The following LTBP1 variants were observed in gnomAD, a reference collection of about 807,000 sequenced individuals.
The protein encoded by LTBP1 is latent transforming growth factor beta binding protein 1, also known as latent-transforming growth factor beta-binding protein 1.
Under a neutral mutation model 207.6 loss-of-function variants are expected in LTBP1, and 129 were observed. The observed-to-expected ratio is 0.62, with a 90% CI of 0.54 to 0.72. The LOEUF (loss-of-function observed/expected upper bound fraction) is 0.72, where lower values mean the gene tolerates loss of function less well. Among genes scored for constraint, LTBP1 ranks in the 30% least tolerant of loss-of-function variants. LTBP1 has a pLI of 0.00. For missense variants in LTBP1, 2,281 were observed against 2,217.2 expected (o/e 1.03, Z -0.58); for synonymous variants, 963 against 833.7 (o/e 1.16, Z -2.67).
intron 5 of LTBP1, among the ~76,000 whole-genome samples, chr2:33,157,000 A>G (rs2084029422): frequency 6.6e-6 from 1 of 152,204 alleles, no homozygotes; most frequent in Non-Finnish European, 1.5e-5. Flanking sequence ...AGGTCTGCAA[A>G]TGACAGATTT....
intron 3 of LTBP1, among the ~76,000 whole-genome samples, chr2:33,071,949 A>G (rs970678797): frequency 1.3e-5 from 2 of 152,132 alleles, no homozygotes; most frequent in Admixed American, 1.3e-4. Context: ...GTGCACACCA[A>G]CTGAATGTCC....
At chr2:33,148,397 T>C (rs1279703370) in intron 5 of LTBP1, among the ~76,000 whole-genome samples, 4 of 152,228 alleles carry the variant, frequency 2.6e-5, no homozygotes, top group African/African-American at 9.6e-5. Flanking sequence ...TGAACTTGCC[T>C]ACCTGAATTG....
At chr2:33,082,260 G>T (rs1464203593) in intron 3 of LTBP1, among the ~76,000 whole-genome samples, 1 of 151,976 alleles carries the variant, frequency 6.6e-6, no homozygotes, top group Non-Finnish European at 1.5e-5. Flanking sequence ...CCACATGTCA[G>T]CCCCTTGATC....
At chr2:33,065,209 T>C (rs2077448393) in intron 3 of LTBP1, among the ~76,000 whole-genome samples, 1 of 152,142 alleles carries the variant, frequency 6.6e-6, no homozygotes, top group Non-Finnish European at 1.5e-5. Context: ...GTCAGTATGG[T>C]TAGTTAAATC....
intron 2 of LTBP1, among the ~76,000 whole-genome samples, chr2:32,983,654 C>T (rs1023679215): frequency 1.3e-5 from 2 of 152,286 alleles, no homozygotes; most frequent in East Asian, 1.9e-4. Flanking sequence ...GTGCTGTTCT[C>T]GTGATAGTGA....
intron 3 of LTBP1, among the ~76,000 whole-genome samples, chr2:33,050,418 A>G (rs545857450): frequency 6.6e-6 from 1 of 152,198 alleles, no homozygotes; most frequent in Non-Finnish European, 1.5e-5. Flanking sequence ...GTAGGATCGG[A>G]ATCTTTCTCC....
At chr2:33,288,484 A>G (rs1371761047) in intron 19 of LTBP1, among the ~76,000 whole-genome samples, 1 of 152,222 alleles carries the variant, frequency 6.6e-6, no homozygotes, top group Non-Finnish European at 1.5e-5. Context: ...GCTGGGAGTC[A>G]TCTCTGTGAA....
chr2:33,257,546 C>G (rs753920319), intron 12 of LTBP1, 35 bp downstream of exon 12: 2 of 1,532,768 alleles, frequency 1.3e-6, no homozygotes, highest in South Asian at 2.3e-5. Context: ...CTCTAGACAT[C>G]TATCTGTGTG....
chr2:33,003,878 C>T (rs938043942), intron 2 of LTBP1, among the ~76,000 whole-genome samples: 11 of 152,318 alleles, frequency 7.2e-5, no homozygotes, highest in African/African-American at 2.6e-4. Context: ...GGCAGTCTTA[C>T]ACACAAAAAC....
At chr2:33,042,098 C>A (rs1436143730) in intron 3 of LTBP1, among the ~76,000 whole-genome samples, 1 of 152,170 alleles carries the variant, frequency 6.6e-6, no homozygotes, top group Admixed American at 6.5e-5. Flanking sequence ...AGTGATCAAT[C>A]TTTTCACATG....
At chr2:33,065,668 G>A (rs2077473697) in intron 3 of LTBP1, among the ~76,000 whole-genome samples, 1 of 152,156 alleles carries the variant, frequency 6.6e-6, no homozygotes, top group Non-Finnish European at 1.5e-5. Context: ...ATGTTGATGA[G>A]GAATATTGGT....
At chr2:33,311,721 G>A (rs2094191017) in intron 23 of LTBP1, among the ~76,000 whole-genome samples, 1 of 152,108 alleles carries the variant, frequency 6.6e-6, no homozygotes, top group South Asian at 2.1e-4. Flanking sequence ...CTAGAGTTCA[G>A]TCACACGGAA....
rs557046278 is a variant in LTBP1, at chr2:33,326,958, T to C, written c.3730+11689T>C. Among the ~76,000 whole-genome samples the C allele has an allele frequency of 2.2e-3, 332 of 152,270 alleles. 1 individual carries two copies. The highest frequency in any genetic ancestry group is 4.5e-3 in the African/African-American group (187 of 41,558). On this transcript the variant is annotated intron_variant, in intron 24 of 33. Coordinates refer to ENST00000404816, the MANE Select transcript of LTBP1 (RefSeq NM_206943.4). ...GCCATTGCACCTGGCTGATATAATTTAAATACTTTAATAATTCTTAGGACT... is the reference window on the plus strand; with the variant it reads ...GCCATTGCACCTGGCTGATATAATTCAAATACTTTAATAATTCTTAGGACT...
intron 26 of LTBP1, 76 bp from the exon 27 acceptor site, chr2:33,360,521 C>T: frequency 1.1e-6 from 1 of 890,458 alleles, no homozygotes; most frequent in East Asian, 2.5e-5. Context: ...CTCTTTCCCC[C>T]ATTGCATTCT....
chr2:33,124,443 C>T (rs1156802315), intron 4 of LTBP1, among the ~76,000 whole-genome samples: 1 of 152,088 alleles, frequency 6.6e-6, no homozygotes. Flanking sequence ...GCAGAGTAAA[C>T]CTTTCTAATC....
intron 3 of LTBP1, among the ~76,000 whole-genome samples, chr2:33,080,905 T>TGGCTGA (rs1558609850): frequency 6.6e-6 from 1 of 152,208 alleles, no homozygotes; most frequent in African/African-American, 2.4e-5. Context: ...GCAAGGTTCG[T>TGGCTGA]GGCTGAGGCA....
intron 32 of LTBP1, among the ~76,000 whole-genome samples, chr2:33,396,336 T>G (rs933120382): frequency 1.3e-5 from 2 of 152,146 alleles, no homozygotes; most frequent in Non-Finnish European, 2.9e-5. Flanking sequence ...TTCTTCTGCC[T>G]CAGCCTCCCA....
chr2:33,040,509 A>G (rs1162493643), intron 3 of LTBP1, among the ~76,000 whole-genome samples: 3 of 152,168 alleles, frequency 2.0e-5, no homozygotes, highest in Admixed American at 2.0e-4. Flanking sequence ...TTCCTACTCC[A>G]CAGAACCTAA....
At chr2:33,324,315 TCA>T (rs1265550726) in intron 24 of LTBP1, among the ~76,000 whole-genome samples, 1 of 152,048 alleles carries the variant, frequency 6.6e-6, no homozygotes, top group Non-Finnish European at 1.5e-5. Flanking sequence ...TATAATATAA[TCA>T]CAGTATATTA....
Sources: allele counts gnomAD v4.1 joint callset (sites outside exome capture counted in the v4.1 genomes callset), GRCh38; gene constraint gnomAD v4.1.1; transcripts MANE v1.5; gene names NCBI Gene and HGNC (gene_info 2026-07-23, HGNC 2026-07-21).